BDP1: variants seen among roughly 807,000 people sequenced by gnomAD.
The protein encoded by BDP1 is transcription factor TFIIIB component B'' homolog.
BDP1 carries 169 observed loss-of-function variants against 266.6 expected under a neutral mutation model. The observed-to-expected ratio is 0.63, with a 90% CI of 0.56 to 0.72. The LOEUF is 0.72. Ranked by LOEUF, BDP1 falls within the 30% of genes least tolerant of loss-of-function variation. The pLI is 0.00. For missense variants in BDP1, 3,015 were observed against 3,053.8 expected (o/e 0.99, Z 0.30); for synonymous variants, 1,090 against 1,022.4 (o/e 1.07, Z -1.26).
Position 71,542,123 on chromosome 5 carries a change from G to A in BDP1, c.6270G>A (p.Val2090=). 1 of 1,603,738 alleles carries A rather than the reference G, an allele frequency of 6.2e-7. No individual in the cohort carries two copies. Among genetic ancestry groups the A allele is most frequent in the African/African-American group, 1.3e-5 (1 of 74,368 alleles). ...TTTTTAGGAATACAATTTCTAAAGT[G>A]ACCAGTAATTTGAGAATAAGAAGTA... ...ATPTRNTISK[V]TSNLRIRSRL... The change falls in exon 30 of 39, where the codon GTG becomes GTA. Residue 2090 remains valine, a synonymous_variant. Coordinates refer to ENST00000358731, the MANE Select transcript of BDP1 (RefSeq NM_018429.3).
At chr5:71,503,924 A>G (rs889600915) in intron 15 of BDP1, among the ~76,000 whole-genome samples, 16 of 151,452 alleles carry the variant, frequency 1.1e-4, no homozygotes, top group Middle Eastern at 7.0e-3. Flanking sequence ...TGAGCTATCT[A>G]TAATTATGCC....
chr5:71,518,412 T>C (rs920156452), intron 22 of BDP1, among the ~76,000 whole-genome samples: 8 of 152,210 alleles, frequency 5.3e-5, no homozygotes, highest in African/African-American at 1.9e-4. Flanking sequence ...TGTTAGGTCA[T>C]CTGTCAAAAC....
At chr5:71,486,160 C>G (rs931675952) in intron 8 of BDP1, among the ~76,000 whole-genome samples, 2 of 152,106 alleles carry the variant, frequency 1.3e-5, no homozygotes, top group Admixed American at 1.3e-4. Context: ...CATATTATTG[C>G]ATGTATCAGT....
chr5:71,475,181 A>G (rs556583416), intron 7 of BDP1, among the ~76,000 whole-genome samples: 2 of 152,196 alleles, frequency 1.3e-5, no homozygotes, highest in East Asian at 3.9e-4. Context: ...GTCCTGGCTC[A>G]CTGCAGCCTC....
intron 7 of BDP1, among the ~76,000 whole-genome samples, chr5:71,475,217 C>T (rs542320022): frequency 6.6e-6 from 1 of 152,222 alleles, no homozygotes; most frequent in South Asian, 2.1e-4. Context: ...AAATGATCCT[C>T]CCACCTCGGC....
At chr5:71,531,705 C>T (rs556878294) in intron 25 of BDP1, among the ~76,000 whole-genome samples, 22 of 152,138 alleles carry the variant, frequency 1.4e-4, no homozygotes, top group African/African-American at 4.6e-4. Flanking sequence ...GATGGGGCTT[C>T]GCTGTGTTGG....
At chr5:71,519,800 A>G (rs1029817960) in intron 22 of BDP1, among the ~76,000 whole-genome samples, 1 of 152,214 alleles carries the variant, frequency 6.6e-6, no homozygotes, top group Non-Finnish European at 1.5e-5. Flanking sequence ...TCTTTGATAC[A>G]GTGATTTCCT....
chr5:71,521,423 G>C (rs1357969558), intron 22 of BDP1, among the ~76,000 whole-genome samples: 4 of 150,842 alleles, frequency 2.7e-5, no homozygotes, highest in African/African-American at 7.3e-5. Context: ...CTCCCGAGTA[G>C]CTGGGACTTC....
intron 33 of BDP1, 89 bp from the exon 34 acceptor site, chr5:71,549,331 A>G (rs1371888729): frequency 1.8e-6 from 2 of 1,082,710 alleles, no homozygotes; most frequent in Admixed American, 2.6e-5. Context: ...AGTTGTCCTG[A>G]GACTGTCTTT....
At position 71,466,091 on chromosome 5, in the gene BDP1, G is replaced by A; in HGVS notation, c.660-5G>A. On this transcript the variant is annotated splice_polypyrimidine_tract_variant and splice_region_variant and intron_variant, in intron 4 of 38. Transcript: ENST00000358731. The stretch of plus-strand genomic sequence containing the variant: ...TGTGAATTAACTTATCTTTATATGT[G>A]GTAGGCAAGAAGGTAAGAGTACTCC... 1 of 1,612,090 alleles carries A rather than the reference G, an allele frequency of 6.2e-7. No homozygotes were observed. The highest frequency in any genetic ancestry group is 8.5e-7 in the Non-Finnish European group (1 of 1,179,066).
At chr5:71,552,843 G>A (rs1465089416) in intron 34 of BDP1, among the ~76,000 whole-genome samples, 5 of 152,138 alleles carry the variant, frequency 3.3e-5, no homozygotes, top group African/African-American at 2.4e-5. Flanking sequence ...TGGGGAGAGG[G>A]AGAGGGAGAG....
chr5:71,507,715 C>A (rs1015327344), intron 16 of BDP1, among the ~76,000 whole-genome samples: 1 of 152,168 alleles, frequency 6.6e-6, no homozygotes, highest in Admixed American at 6.5e-5. Flanking sequence ...GCGGTCCATT[C>A]AGGACTAATC....
intron 26 of BDP1, among the ~76,000 whole-genome samples, chr5:71,536,156 TA>T (rs1361392292): frequency 6.6e-6 from 1 of 152,176 alleles, no homozygotes; most frequent in Admixed American, 6.5e-5. Flanking sequence ...TTTCATCATT[TA>T]TTTTTTTCAT....
downstream of BDP1, among the ~76,000 whole-genome samples, chr5:71,572,006 C>G (rs1744279237): frequency 1.3e-5 from 2 of 152,200 alleles, no homozygotes; most frequent in South Asian, 4.1e-4. Flanking sequence ...TGGGCAAACT[C>G]ACTTCTGTGC....
At position 71,467,468 on chromosome 5, in the gene BDP1, TA is replaced by T; in HGVS notation, c.903del (p.Lys301AsnfsTer13). On this transcript the variant is annotated frameshift_variant, in exon 6 of 39. Transcript: ENST00000358731. LOFTEE classifies it high-confidence loss of function. ...CCAGCTTTAGGAAAAACTATTACTC[TA>T]AACCATGGTCAAATAAAGGTAACTA... ...YSSFRKNYYS[K>X]PWSNKETDMF... 5.6e-6 allele frequency: 9 copies of T among 1,603,256 alleles called. No individual in the cohort carries two copies. Among genetic ancestry groups the T allele is most frequent in the Non-Finnish European group, 7.7e-6 (9 of 1,173,148 alleles).
intron 25 of BDP1, among the ~76,000 whole-genome samples, chr5:71,525,366 G>C (rs1765746802): frequency 6.8e-6 from 1 of 146,508 alleles, no homozygotes; most frequent in African/African-American, 2.5e-5. Context: ...TCACCTCCCG[G>C]ATGGGGCGGC....
intron 3 of BDP1, 30 bp downstream of exon 3, chr5:71,461,956 C>CA: frequency 1.4e-6 from 1 of 725,330 alleles, no homozygotes; most frequent in Non-Finnish European, 2.3e-6. Flanking sequence ...GCTTTACTAT[C>CA]TCTTTTTTTT....
chr5:71,565,513 T>C lies in BDP1; in HGVS notation c.*628T>C, dbSNP rs1743974655. On this transcript the variant is annotated 3_prime_UTR_variant, in exon 39 of 39. Coordinates refer to ENST00000358731, the MANE Select transcript of BDP1 (RefSeq NM_018429.3). ...AGATATGTTTAGATACACAAATACTTACTATTGTGTTACAACTGCCTACAG... is the reference window on the plus strand; with the variant it reads ...AGATATGTTTAGATACACAAATACTCACTATTGTGTTACAACTGCCTACAG... The C allele has an allele frequency of 6.6e-6, 1 of 152,488 alleles. No homozygotes were observed. The highest frequency in any genetic ancestry group is 1.5e-5 in the Non-Finnish European group (1 of 68,264). 9.4% of individuals were successfully genotyped at this position (152,488 alleles called of 1,614,324 possible). A position where few individuals can be genotyped will look rare whatever the true frequency, so the allele number is the denominator to read the frequency against.
Position 71,532,247 on chromosome 5 carries a change from G to A in BDP1, c.5773-61G>A, listed in dbSNP as rs1314628265. 4 of 1,470,802 alleles carry A rather than the reference G, an allele frequency of 2.7e-6. No homozygotes were observed. In the African/African-American group the frequency reaches 4.2e-5, roughly 15 times the overall value. The allele number at this position is 1,470,802 out of a possible 1,614,324, so 91.1% of individuals were successfully genotyped here. On this transcript the variant is annotated intron_variant, in intron 25 of 38. Transcript: ENST00000358731. The stretch of plus-strand genomic sequence containing the variant: ...CATCTTACTTATTCATGTTGAAGAT[G>A]AGGCTTTGTTTTGCTGTTTATAATA...
Sources: allele counts gnomAD v4.1 joint callset (sites outside exome capture counted in the v4.1 genomes callset), GRCh38; gene constraint gnomAD v4.1.1; transcripts MANE v1.5; gene names NCBI Gene and HGNC (gene_info 2026-07-23, HGNC 2026-07-21).